Variants in KIF6 observed in about 807,000 individuals in gnomAD.
KIF6 encodes kinesin family member 6, also known as kinesin-like protein KIF6.
In KIF6, 106 loss-of-function variants were observed where a neutral mutation model predicts 112.7. That is an observed-to-expected ratio of 0.94 (90% CI 0.80 to 1.11). The LOEUF is 1.11. KIF6 is among the 50% of genes least tolerant of loss of function. The pLI is 0.00. For missense variants in KIF6, 929 were observed against 964.0 expected, an observed-to-expected ratio of 0.96 and a Z score of 0.48; for synonymous variants, 339 against 339.9, an observed-to-expected ratio of 1.00 and a Z score of 0.03.
At chr6:39,341,065 C>T (rs566408069) in intron 22 of KIF6, among the ~76,000 whole-genome samples, 22 of 152,250 alleles carry the variant, frequency 1.4e-4, no homozygotes, top group African/African-American at 1.2e-4. Context: ...TGTTTCAGCA[C>T]GTGAGCATGT....
intron 13 of KIF6, among the ~76,000 whole-genome samples, chr6:39,490,751 A>C (rs1775432455): frequency 6.6e-6 from 1 of 152,210 alleles, no homozygotes; most frequent in South Asian, 2.1e-4. Flanking sequence ...CTAGCCATTA[A>C]AGACTATGAT....
At chr6:39,714,797 AG>A in intron 2 of KIF6, 31 bp from the exon 3 acceptor site, 1 of 1,366,988 alleles carries the variant, frequency 7.3e-7, no homozygotes, top group Non-Finnish European at 1.0e-6. Flanking sequence ...ATTATTTAAA[AG>A]CTGCACCTCC....
At chr6:39,362,144 C>T (rs7753481) in intron 17 of KIF6, among the ~76,000 whole-genome samples, 74,941 of 151,846 alleles carry the variant, frequency 0.49, 19,876 homozygotes, top group African/African-American at 0.7. Flanking sequence ...GCCATAGGCA[C>T]GCGGAAAACC....
intron 19 of KIF6, among the ~76,000 whole-genome samples, chr6:39,351,448 T>C (rs1351237530): frequency 6.6e-6 from 1 of 151,904 alleles, no homozygotes; most frequent in Non-Finnish European, 1.5e-5. Flanking sequence ...AGAGACGGGG[T>C]TTCACCTTGT....
intron 13 of KIF6, among the ~76,000 whole-genome samples, chr6:39,507,634 T>C (rs62402252): frequency 0.26 from 6,032 of 23,488 alleles, 663 homozygotes; most frequent in Admixed American, 0.32. Context: ...TTTCCTTTCC[T>C]TTCCCCTTCC....
chr6:39,462,563 G>T (rs1773543377), intron 13 of KIF6, among the ~76,000 whole-genome samples: 1 of 152,120 alleles, frequency 6.6e-6, no homozygotes, highest in Non-Finnish European at 1.5e-5. Flanking sequence ...TGAGCATGAT[G>T]GGCTGGGAAG....
intron 3 of KIF6, among the ~76,000 whole-genome samples, chr6:39,697,470 G>A (rs1788611336): frequency 1.3e-5 from 2 of 151,958 alleles, no homozygotes; most frequent in East Asian, 3.9e-4. Flanking sequence ...CTTTTGCAGG[G>A]GGTTTCCATC....
At chr6:39,670,776 A>G (rs1786769467) in intron 3 of KIF6, among the ~76,000 whole-genome samples, 1 of 152,162 alleles carries the variant, frequency 6.6e-6, no homozygotes, top group South Asian at 2.1e-4. Flanking sequence ...TAGAAATAGT[A>G]TATCAATATG....
chr6:39,545,813 A>G (rs1197210642), intron 10 of KIF6, 125 bp from the exon 11 acceptor site: 1 of 558,926 alleles, frequency 1.8e-6, no homozygotes, highest in African/African-American at 1.9e-5. Flanking sequence ...AGAAGTACAG[A>G]TTTGAGTATA....
intron 6 of KIF6, among the ~76,000 whole-genome samples, chr6:39,598,001 A>G (rs1302172025): frequency 6.6e-6 from 1 of 152,102 alleles, no homozygotes; most frequent in Non-Finnish European, 1.5e-5. Flanking sequence ...CCCCGTGTGT[A>G]CTAAAAATAC....
chr6:39,482,037 CA>C (rs1774833216), intron 13 of KIF6, among the ~76,000 whole-genome samples: 1 of 151,798 alleles, frequency 6.6e-6, no homozygotes, highest in Non-Finnish European at 1.5e-5. Context: ...CACACACACA[CA>C]CACCCCACTG....
At chr6:39,560,274 T>C (rs1383586335) in intron 10 of KIF6, among the ~76,000 whole-genome samples, 1 of 152,234 alleles carries the variant, frequency 6.6e-6, no homozygotes, top group African/African-American at 2.4e-5. Flanking sequence ...CCACAGCATC[T>C]AAATGTTTCC....
chr6:39,659,893 C>T (rs1434955976), intron 3 of KIF6, among the ~76,000 whole-genome samples: 1 of 152,176 alleles, frequency 6.6e-6, no homozygotes, highest in Non-Finnish European at 1.5e-5. Flanking sequence ...AGTAAAATTT[C>T]ACTTTGAATG....
At chr6:39,405,939 T>C (rs1769060009) in intron 15 of KIF6, among the ~76,000 whole-genome samples, 1 of 152,240 alleles carries the variant, frequency 6.6e-6, no homozygotes, top group Non-Finnish European at 1.5e-5. Context: ...GGAATTTGTC[T>C]ACTTTTATCT....
chr6:39,716,013 T>G (rs1019399524), intron 2 of KIF6, among the ~76,000 whole-genome samples: 2 of 150,424 alleles, frequency 1.3e-5, no homozygotes, highest in African/African-American at 2.4e-5. Context: ...GCTGGTTCAC[T>G]TCTTTTATCA....
intron 13 of KIF6, among the ~76,000 whole-genome samples, chr6:39,460,778 T>A (rs947690824): frequency 6.6e-6 from 1 of 152,198 alleles, no homozygotes; most frequent in Admixed American, 6.5e-5. Flanking sequence ...TTTACTCTTA[T>A]AGAAAGTGCA....
intron 10 of KIF6, among the ~76,000 whole-genome samples, chr6:39,572,174 T>C (rs2150622648): frequency 6.6e-6 from 1 of 152,190 alleles, no homozygotes; most frequent in African/African-American, 2.4e-5. Flanking sequence ...GTCTGCAGAG[T>C]CATTAAAAAA....
chr6:39,724,942 A>T (rs1790448209), intron 1 of KIF6, among the ~76,000 whole-genome samples: 1 of 152,220 alleles, frequency 6.6e-6, no homozygotes, highest in South Asian at 2.1e-4. Flanking sequence ...CTATACAGGC[A>T]TACTGAACAT....
chr6:39,387,823 C>A (rs1461151276), intron 15 of KIF6, among the ~76,000 whole-genome samples: 1 of 152,196 alleles, frequency 6.6e-6, no homozygotes, highest in Non-Finnish European at 1.5e-5. Context: ...TGGGATAGCA[C>A]ATGCATGCTC....
Sources: gnomAD v4.1 joint callset for allele counts (sites outside exome capture counted in the v4.1 genomes callset) on GRCh38, gnomAD v4.1.1 for gene constraint, MANE v1.5 for transcripts, NCBI Gene and HGNC (gene_info 2026-07-23, HGNC 2026-07-21) for gene names.